SLC4A10: variants seen among roughly 807,000 people sequenced by gnomAD.
SLC4A10 encodes the protein sodium-driven chloride bicarbonate exchanger.
SLC4A10 carries 42 observed loss-of-function variants against 137.7 expected under a neutral mutation model. That is an observed-to-expected ratio of 0.30 (90% confidence interval 0.24 to 0.39). The LOEUF (loss-of-function observed/expected upper bound fraction) is 0.39. Among genes scored for constraint, SLC4A10 ranks in the 10% least tolerant of loss-of-function variants. The probability of loss-of-function intolerance (pLI) is 1.00; values close to 1 mark genes in which losing one functional copy is unlikely to be tolerated. For synonymous variants in SLC4A10, 474 were observed against 464.1 expected (o/e 1.02, Z -0.27); for missense variants, 925 against 1,355.0 (o/e 0.68, Z 4.98).
chr2:161,880,278 T>C (rs2061686646), intron 9 of SLC4A10, among the ~76,000 whole-genome samples: 1 of 152,200 alleles, frequency 6.6e-6, no homozygotes, highest in Non-Finnish European at 1.5e-5. Context: ...AGTTACTTGA[T>C]GAAAAGTTCA....
intron 2 of SLC4A10, among the ~76,000 whole-genome samples, chr2:161,794,054 T>C (rs944906666): frequency 1.2e-4 from 19 of 152,104 alleles, no homozygotes; most frequent in African/African-American, 4.3e-4. Flanking sequence ...GTTTATGAAA[T>C]TGAAACATTG....
chr2:161,660,059 G>A (rs1473628735), intron 1 of SLC4A10, among the ~76,000 whole-genome samples: 1 of 147,328 alleles, frequency 6.8e-6, no homozygotes, highest in Non-Finnish European at 1.5e-5. Context: ...TTTCTTTTGG[G>A]GGGTGATGGA....
At chr2:161,845,872 A>G (rs2059461079) in intron 4 of SLC4A10, among the ~76,000 whole-genome samples, 1 of 152,156 alleles carries the variant, frequency 6.6e-6, no homozygotes, top group African/African-American at 2.4e-5. Context: ...AAGCCATGAA[A>G]TTTTTAGAAG....
intron 1 of SLC4A10, among the ~76,000 whole-genome samples, chr2:161,665,143 T>C (rs981117774): frequency 2.6e-5 from 4 of 151,810 alleles, no homozygotes; most frequent in Non-Finnish European, 5.9e-5. Context: ...TTTTGATCAA[T>C]GCAACTTTGC....
At chr2:161,680,646 G>GC (rs1156238909) in intron 1 of SLC4A10, among the ~76,000 whole-genome samples, 1 of 152,040 alleles carries the variant, frequency 6.6e-6, no homozygotes, top group African/African-American at 2.4e-5. Flanking sequence ...TGTGATGAAA[G>GC]CAAGTTTTAA....
At chr2:161,952,604 A>C (rs916457239) in intron 19 of SLC4A10, among the ~76,000 whole-genome samples, 1 of 152,232 alleles carries the variant, frequency 6.6e-6, no homozygotes, top group Non-Finnish European at 1.5e-5. Flanking sequence ...ATGATACAGC[A>C]AATCTGGCTT....
chr2:161,933,424 C>T (rs1487035162), intron 15 of SLC4A10, among the ~76,000 whole-genome samples: 1 of 150,822 alleles, frequency 6.6e-6, no homozygotes, highest in Non-Finnish European at 1.5e-5. Flanking sequence ...TTTACAGGCT[C>T]TCACTCTGTC....
chr2:161,944,425 C>A (rs1362534340), intron 16 of SLC4A10, among the ~76,000 whole-genome samples: 1 of 151,596 alleles, frequency 6.6e-6, no homozygotes, highest in Non-Finnish European at 1.5e-5. Context: ...TAATAATATT[C>A]CTTCTATGTA....
chr2:161,746,669 C>A (rs908511047), intron 1 of SLC4A10, among the ~76,000 whole-genome samples: 1 of 152,090 alleles, frequency 6.6e-6, no homozygotes, highest in South Asian at 2.1e-4. Context: ...CCTGTTGCCA[C>A]CACAGCTGGG....
At chr2:161,680,149 C>T (rs2040696626) in intron 1 of SLC4A10, among the ~76,000 whole-genome samples, 1 of 152,138 alleles carries the variant, frequency 6.6e-6, no homozygotes, top group Non-Finnish European at 1.5e-5. Context: ...GGTTTAAATG[C>T]TCCTCTGTGC....
chr2:161,959,154 G>A (rs1253133959), intron 21 of SLC4A10, among the ~76,000 whole-genome samples: 1 of 152,158 alleles, frequency 6.6e-6, no homozygotes, highest in African/African-American at 2.4e-5. Context: ...GTAGAAATAA[G>A]AACAATTTGT....
chr2:161,972,676 C>T (rs1280303147), intron 23 of SLC4A10, among the ~76,000 whole-genome samples: 1 of 152,044 alleles, frequency 6.6e-6, no homozygotes, highest in Non-Finnish European at 1.5e-5. Flanking sequence ...TCACAGAAAA[C>T]AAATACAATA....
intron 15 of SLC4A10, among the ~76,000 whole-genome samples, chr2:161,912,786 A>C (rs922011272): frequency 8.5e-5 from 13 of 152,316 alleles, no homozygotes; most frequent in African/African-American, 3.1e-4. Context: ...TGGTAAAATT[A>C]AATGTACTCA....
intron 1 of SLC4A10, among the ~76,000 whole-genome samples, chr2:161,634,868 T>C (rs1254074951): frequency 6.6e-6 from 1 of 152,016 alleles, no homozygotes; most frequent in East Asian, 1.9e-4. Context: ...CCCTTCTCCC[T>C]ACCTTCCCCA....
At chr2:161,979,389 T>C (rs1442024824) in intron 26 of SLC4A10, among the ~76,000 whole-genome samples, 1 of 152,260 alleles carries the variant, frequency 6.6e-6, no homozygotes, top group African/African-American at 2.4e-5. Flanking sequence ...TAGACTATCC[T>C]TTATATTTAG....
chr2:161,878,122 A>T (rs2061546908), intron 8 of SLC4A10, among the ~76,000 whole-genome samples: 1 of 152,126 alleles, frequency 6.6e-6, no homozygotes. Context: ...GGCTAAAAAA[A>T]ATCTTCTCAG....
At chr2:161,948,605 G>C (rs1283492126) in intron 17 of SLC4A10, among the ~76,000 whole-genome samples, 1 of 151,982 alleles carries the variant, frequency 6.6e-6, no homozygotes, top group Non-Finnish European at 1.5e-5. Flanking sequence ...ATGAGAAATG[G>C]CTTTAAAAAT....
chr2:161,854,954 A>G lies in SLC4A10; in HGVS notation c.417-16A>G. ...CAATATAATATAAACTGTGCTGATA[A>G]TATTTGTTTGTATAGGTGGTTGAAG... On this transcript the variant is annotated splice_polypyrimidine_tract_variant and intron_variant, in intron 4 of 26. Transcript: ENST00000446997. 2 of 1,607,364 alleles carry G rather than the reference A, an allele frequency of 1.2e-6. No individual in the cohort carries two copies. The highest frequency in any genetic ancestry group is 1.7e-6 in the Non-Finnish European group (2 of 1,176,988).
chr2:161,686,770 A>C (rs2124879617), intron 1 of SLC4A10, among the ~76,000 whole-genome samples: 1 of 152,316 alleles, frequency 6.6e-6, no homozygotes, highest in African/African-American at 2.4e-5. Context: ...GCAAAGCAAA[A>C]GCAAGTTTAT....
Sources: gnomAD v4.1 joint callset for allele counts (sites outside exome capture counted in the v4.1 genomes callset) on GRCh38, gnomAD v4.1.1 for gene constraint, MANE v1.5 for transcripts, NCBI Gene and HGNC (gene_info 2026-07-23, HGNC 2026-07-21) for gene names.